The following ALPK2 variants were observed in gnomAD, a reference collection of about 807,000 sequenced individuals.
ALPK2 encodes alpha kinase 2.
A neutral mutation model predicts 163.1 loss-of-function variants in ALPK2; 127 were observed. The ratio of observed to expected loss-of-function variants is 0.78; its 90% CI spans 0.67 to 0.90. The LOEUF (loss-of-function observed/expected upper bound fraction) is 0.90. Ranked by LOEUF, ALPK2 falls within the 40% of genes least tolerant of loss-of-function variation. ALPK2 has a pLI of 0.00. For missense variants in ALPK2, 2,360 were observed against 2,589.6 expected, an observed-to-expected ratio of 0.91 and a Z score of 1.92; for synonymous variants, 953 against 959.1, an observed-to-expected ratio of 0.99 and a Z score of 0.12.
chr18:58,578,668 G>A, intron 4 of ALPK2, 146 bp downstream of exon 4: 1 of 762,680 alleles, frequency 1.3e-6, no homozygotes, highest in South Asian at 2.0e-5. Flanking sequence ...TACCCTGATG[G>A]TGTTGGGAAA....
chr18:58,586,405 C>T (rs901353044), intron 3 of ALPK2, among the ~76,000 whole-genome samples: 3 of 152,166 alleles, frequency 2.0e-5, no homozygotes, highest in Non-Finnish European at 2.9e-5. Context: ...TTTTTCAGGG[C>T]TCTGAAAATT....
At chr18:58,602,389 A>T (rs1224905963) in intron 3 of ALPK2, among the ~76,000 whole-genome samples, 2 of 152,206 alleles carry the variant, frequency 1.3e-5, no homozygotes, top group African/African-American at 4.8e-5. Context: ...TTCACAGTTC[A>T]TGTGTCCAAA....
chr18:58,527,179 C>T (rs2051589015), intron 6 of ALPK2, among the ~76,000 whole-genome samples: 1 of 151,642 alleles, frequency 6.6e-6, no homozygotes, highest in Admixed American at 6.6e-5. Context: ...TGAGAGATTT[C>T]AACTCTTTGA....
chr18:58,488,536 C>T (rs28624836), intron 12 of ALPK2, among the ~76,000 whole-genome samples: 18,146 of 149,744 alleles, frequency 0.12, 1,155 homozygotes, highest in Non-Finnish European at 0.15. Context: ...TTTCCAGCCC[C>T]GGCTGAGTTA....
intron 12 of ALPK2, among the ~76,000 whole-genome samples, chr18:58,485,811 A>C (rs1361883843): frequency 6.6e-6 from 1 of 152,104 alleles, no homozygotes; most frequent in East Asian, 1.9e-4. Flanking sequence ...GTTGCTTCAC[A>C]CCAACTCCTG....
At chr18:58,550,518 C>G (rs2051750610) in intron 4 of ALPK2, among the ~76,000 whole-genome samples, 1 of 152,360 alleles carries the variant, frequency 6.6e-6, no homozygotes, top group South Asian at 2.1e-4. Context: ...AACCCCATCC[C>G]CATCTCCATC....
chr18:58,550,777 A>G (rs1453881812), intron 4 of ALPK2, among the ~76,000 whole-genome samples: 1 of 150,016 alleles, frequency 6.7e-6, no homozygotes, highest in African/African-American at 2.5e-5. Flanking sequence ...TATCATGTAC[A>G]ACCCCATCCA....
chr18:58,501,948 G>A (rs2051433259), intron 11 of ALPK2, among the ~76,000 whole-genome samples: 2 of 152,130 alleles, frequency 1.3e-5, no homozygotes, highest in Admixed American at 6.5e-5. Context: ...TGAAGCTGGT[G>A]AAGCATACGT....
intron 4 of ALPK2, among the ~76,000 whole-genome samples, chr18:58,548,312 G>T (rs762987542): frequency 6.6e-6 from 1 of 150,428 alleles, no homozygotes; most frequent in Non-Finnish European, 1.5e-5. Context: ...CCTCGGGTTT[G>T]GTTTCCTGTG....
intron 2 of ALPK2, 28 bp downstream of exon 2, chr18:58,611,661 G>A (rs370966558): frequency 6.3e-7 from 1 of 1,579,700 alleles, no homozygotes; most frequent in Non-Finnish European, 8.7e-7. Flanking sequence ...GATTTTAGAG[G>A]GTGATTAGCT....
chr18:58,583,213 C>A (rs1372496549), intron 3 of ALPK2, among the ~76,000 whole-genome samples: 1 of 152,112 alleles, frequency 6.6e-6, no homozygotes, highest in Non-Finnish European at 1.5e-5. Flanking sequence ...ATACCAGAAT[C>A]AGGTTGGAGT....
At chr18:58,573,613 CTTT>C (rs778622176) in intron 4 of ALPK2, among the ~76,000 whole-genome samples, 3 of 51,738 alleles carry the variant, frequency 5.8e-5, no homozygotes, top group African/African-American at 2.3e-4. Context: ...TTTTTGTCTT[CTTT>C]TTTTTTTTTT....
chr18:58,596,136 C>T (rs1230579871), intron 3 of ALPK2, among the ~76,000 whole-genome samples: 3 of 152,136 alleles, frequency 2.0e-5, no homozygotes, highest in Non-Finnish European at 4.4e-5. Context: ...ATTGCTGGAC[C>T]CAGAAAGGGG....
At position 58,535,963 on chromosome 18, in the gene ALPK2, C is replaced by G. The variant is rs778577589; in HGVS notation, c.4224G>C (p.Glu1408Asp). ...CCCTGGTGTACTCTATCACACTTAT[C>G]TCATCAATGGGATCTACAGAGGACT... Reference protein sequence around the residue: ...ILESSVDPIDEISVIEYTRAG... With the variant: ...ILESSVDPIDDISVIEYTRAG... The change falls in exon 5 of 13, where the codon GAG becomes GAC. Residue 1408 changes from glutamate (E) to aspartate (D), a missense_variant. Glu to Asp is a conservative substitution (Grantham distance 45, BLOSUM62 2). Coordinates refer to ENST00000361673, the MANE Select transcript of ALPK2 (RefSeq NM_052947.4). 1 of 1,614,188 alleles carries G rather than the reference C, an allele frequency of 6.2e-7. No individual in the cohort carries two copies. Among genetic ancestry groups the G allele is most frequent in the Non-Finnish European group, 8.5e-7 (1 of 1,180,024 alleles).
intron 3 of ALPK2, among the ~76,000 whole-genome samples, chr18:58,584,326 C>T (rs898446112): frequency 6.6e-5 from 10 of 152,136 alleles, no homozygotes; most frequent in African/African-American, 1.9e-4. Flanking sequence ...GGAAGAAAAT[C>T]GGGCAAGGAA....
chr18:58,536,041 C>CTTGAG lies in ALPK2; in HGVS notation c.4141_4145dup (p.Lys1382AsnfsTer14). ...TTTTAAAGAAGGCAGTGTGATCCAT[C>CTTGAG]TTGAGTTGTTTTTCCTCCTGGTCTT... is the stretch of plus-strand genomic sequence containing the variant. On this transcript the variant is annotated frameshift_variant, in exon 5 of 13. Coordinates refer to ENST00000361673, the MANE Select transcript of ALPK2 (RefSeq NM_052947.4). 1 of 1,614,180 alleles carries CTTGAG rather than the reference C, an allele frequency of 6.2e-7. No individual in the cohort carries two copies.
chr18:58,581,584 C>T (rs1359570852), intron 3 of ALPK2, among the ~76,000 whole-genome samples: 1 of 152,212 alleles, frequency 6.6e-6, no homozygotes, highest in Non-Finnish European at 1.5e-5. Flanking sequence ...TCACAAGGAG[C>T]CTGCAGCCTG....
chr18:58,504,077 A>G lies in ALPK2; in HGVS notation c.6101T>C (p.Ile2034Thr), dbSNP rs370649501. ...IPYATVEEEL[I>T]GEFVKYSIRD... ...GATGGAATACTTCACAAATTCTCCA[A>G]TCAGCTCCTCCTCCACTGTAGCATA... The change falls in exon 11 of 13, where the codon ATT (isoleucine) becomes ACT (threonine). Residue 2034 changes from isoleucine to threonine, a missense_variant. Physicochemically the swap from Ile to Thr is moderately conservative, Grantham distance 89. Coordinates refer to ENST00000361673, the MANE Select transcript of ALPK2 (RefSeq NM_052947.4). 26 of 1,613,998 alleles carry G rather than the reference A, an allele frequency of 1.6e-5. No homozygotes were observed. The East Asian group carries it at 4.2e-4, about 26-fold the overall frequency.
intron 1 of ALPK2, among the ~76,000 whole-genome samples, chr18:58,627,519 G>T (rs2052238426): frequency 6.6e-6 from 1 of 152,176 alleles, no homozygotes; most frequent in East Asian, 1.9e-4. Flanking sequence ...ACCTACTTTG[G>T]GAGGCTGAGG....
Sources: gnomAD v4.1 joint callset for allele counts (sites outside exome capture counted in the v4.1 genomes callset) on GRCh38, gnomAD v4.1.1 for gene constraint, MANE v1.5 for transcripts, NCBI Gene and HGNC (gene_info 2026-07-23, HGNC 2026-07-21) for gene names.